Variants in MTAP observed in about 807,000 individuals in gnomAD.
MTAP encodes the protein S-methyl-5'-thioadenosine phosphorylase.
Under a neutral mutation model 33.6 loss-of-function variants are expected in MTAP, and 33 were observed. That is an observed-to-expected ratio of 0.98 (90% CI 0.74 to 1.31). The LOEUF (loss-of-function observed/expected upper bound fraction) is 1.31. MTAP is among the 40% of genes most tolerant of loss of function. The pLI, the probability that MTAP is intolerant of heterozygous loss-of-function variation, is 0.00. For missense variants in MTAP, 367 were observed against 360.0 expected (o/e 1.02, Z -0.16); for synonymous variants, 148 against 125.7 (o/e 1.18, Z -1.19).
At chr9:21,930,014 A>G in intron 1 of MTAP, 4 of 422,954 alleles carry the variant, frequency 9.5e-6, no homozygotes, top group South Asian at 8.0e-5. Context: ...AACTTTGCTA[A>G]TTAAGTCCAT....
At chr9:21,847,826 C>G (rs1825419324) in intron 5 of MTAP, among the ~76,000 whole-genome samples, 1 of 152,192 alleles carries the variant, frequency 6.6e-6, no homozygotes, top group African/African-American at 2.4e-5. Context: ...GAAAAACAGA[C>G]ACAAGCTCTT....
Position 21,821,649 on chromosome 9 carries a change from T to C in MTAP, c.347+3447T>C, listed in dbSNP as rs536896921. Among the ~76,000 whole-genome samples the C allele has an allele frequency of 3.2e-3, 485 of 152,336 alleles. 2 individuals carry two copies. The highest frequency in any genetic ancestry group is 0.011 in the African/African-American group (452 of 41,570). On this transcript the variant is annotated intron_variant, in intron 4 of 7. Coordinates refer to ENST00000644715, the MANE Select transcript of MTAP (RefSeq NM_002451.4). Reference sequence around the variant, plus strand: ...ATGATGCTGGCCTCATAAAATGAGTTAGGGAGGATTCCCTCTTTTTTTATT... The same window carrying C: ...ATGATGCTGGCCTCATAAAATGAGTCAGGGAGGATTCCCTCTTTTTTTATT...
At chr9:21,889,728 A>G (rs142994392) in intron 1 of MTAP, among the ~76,000 whole-genome samples, 86 of 152,226 alleles carry the variant, frequency 5.6e-4, no homozygotes, top group African/African-American at 2.0e-3. Flanking sequence ...GTCTGCAAAG[A>G]GTCCTGTGAT....
At chr9:21,898,639 T>A (rs980579028) in intron 1 of MTAP, among the ~76,000 whole-genome samples, 9 of 152,156 alleles carry the variant, frequency 5.9e-5, no homozygotes, top group Admixed American at 5.9e-4. Context: ...AAAATGTTCA[T>A]CATCACTGGC....
chr9:21,844,521 A>G (rs1347946820), intron 5 of MTAP, among the ~76,000 whole-genome samples: 1 of 152,224 alleles, frequency 6.6e-6, no homozygotes, highest in East Asian at 1.9e-4. Flanking sequence ...TATGAAAAAG[A>G]TAATACACCA....
In MTAP at chr9:21,865,246, G is replaced by T. The variant is rs1394221409; in HGVS notation, c.*3232G>T. On this transcript the variant is annotated 3_prime_UTR_variant, in exon 8 of 8. Coordinates refer to ENST00000644715, the MANE Select transcript of MTAP (RefSeq NM_002451.4). ...ACAAGTCCTGTTTGTTTTATAAGGG[G>T]CTTTTCCCCCTTTTGCTCAACACTT... 2 of 465,482 alleles carry T rather than the reference G, an allele frequency of 4.3e-6. No individual in the cohort carries two copies. Among genetic ancestry groups the T allele is most frequent in the Non-Finnish European group, 5.6e-6 (2 of 355,034 alleles). 28.8% of individuals were successfully genotyped at this position (465,482 alleles called of 1,614,324 possible).
At chr9:21,813,953 C>G (rs1336578476) in intron 1 of MTAP, 1 of 152,208 alleles carries the variant, frequency 6.6e-6, no homozygotes, top group African/African-American at 2.4e-5. Context: ...GTGAACACTT[C>G]TGTTGATTTG....
At chr9:21,846,755 A>C (rs965443433) in intron 5 of MTAP, among the ~76,000 whole-genome samples, 2 of 152,244 alleles carry the variant, frequency 1.3e-5, no homozygotes, top group African/African-American at 4.8e-5. Flanking sequence ...AAAATAAGTC[A>C]TTATATGAAA....
Position 21,916,397 on chromosome 9 carries a change from G to A in MTAP, c.148-14611G>A, listed in dbSNP as rs986580861. On this transcript the variant is annotated intron_variant, in intron 1 of 1. Transcript: ENST00000577563. Reference sequence around the variant, plus strand: ...GGCCGAGACGGGTGGATCACTTGATGTCAGGAGTTCGAGACAGGCCTGGCC... The same window carrying A: ...GGCCGAGACGGGTGGATCACTTGATATCAGGAGTTCGAGACAGGCCTGGCC... Among the ~76,000 whole-genome samples the A allele has an allele frequency of 3.3e-5, 5 of 152,176 alleles. No homozygotes were observed. The East Asian group carries it at 9.7e-4, about 29-fold the overall frequency.
At chr9:21,935,161 AGAATTCAATT>A (rs1323282457), downstream of MTAP, 2 of 152,256 alleles carry the variant, frequency 1.3e-5, no homozygotes, top group African/African-American at 4.8e-5. Flanking sequence ...ATTATAGAAT[AGAATTCAATT>A]GAATTCTATT....
intron 5 of MTAP, among the ~76,000 whole-genome samples, chr9:21,852,412 G>A (rs557850057): frequency 6.6e-6 from 1 of 151,618 alleles, no homozygotes; most frequent in African/African-American, 2.4e-5. Flanking sequence ...TCAGGAGGCT[G>A]AGCCAGAGAA....
At chr9:21,921,051 G>T (rs1308348774) in intron 1 of MTAP, among the ~76,000 whole-genome samples, 2 of 152,110 alleles carry the variant, frequency 1.3e-5, no homozygotes, top group Non-Finnish European at 2.9e-5. Flanking sequence ...TTTAATGGGA[G>T]ACTTTTTATT....
At chr9:21,820,018 G>C (rs558831256) in intron 4 of MTAP, among the ~76,000 whole-genome samples, 1 of 152,152 alleles carries the variant, frequency 6.6e-6, no homozygotes, top group Non-Finnish European at 1.5e-5. Flanking sequence ...CTTTGTTTGA[G>C]TTCTTTGTAG....
chr9:21,803,649 G>T (rs945653959), intron 1 of MTAP, among the ~76,000 whole-genome samples: 6 of 152,300 alleles, frequency 3.9e-5, no homozygotes, highest in Non-Finnish European at 8.8e-5. Flanking sequence ...TATTCCGAGA[G>T]AGAATTACAG....
intron 1 of MTAP, 62 bp downstream of exon 1, chr9:21,802,843 C>G (rs768192914): frequency 4.4e-6 from 7 of 1,598,380 alleles, no homozygotes; most frequent in Non-Finnish European, 6.0e-6. Context: ...GCCCCCGCGC[C>G]GGGGGACCGC....
chr9:21,845,870 C>A (rs563399892), intron 5 of MTAP, among the ~76,000 whole-genome samples: 23 of 152,118 alleles, frequency 1.5e-4, no homozygotes, highest in Non-Finnish European at 3.4e-4. Context: ...AACTATACTA[C>A]AAGGCTATAG....
intron 1 of MTAP, among the ~76,000 whole-genome samples, chr9:21,911,449 C>G (rs957359639): frequency 1.1e-4 from 16 of 152,196 alleles, no homozygotes; most frequent in Non-Finnish European, 1.6e-4. Flanking sequence ...ACAGTGCAAT[C>G]AAACTAGAAC....
intron 1 of MTAP, among the ~76,000 whole-genome samples, chr9:21,891,384 T>G (rs971185493): frequency 1.3e-5 from 2 of 152,010 alleles, no homozygotes; most frequent in South Asian, 4.1e-4. Flanking sequence ...CTCCAAGGAA[T>G]CTAAGGAATA....
At chr9:21,855,963 C>A (rs545361818) in intron 6 of MTAP, among the ~76,000 whole-genome samples, 24 of 152,224 alleles carry the variant, frequency 1.6e-4, no homozygotes, top group Admixed American at 1.3e-3. Flanking sequence ...TCAGACTATT[C>A]CTTTTTCCTT....
Sources: allele counts gnomAD v4.1 joint callset (sites outside exome capture counted in the v4.1 genomes callset), GRCh38; gene constraint gnomAD v4.1.1; transcripts MANE v1.5; gene names NCBI Gene and HGNC (gene_info 2026-07-23, HGNC 2026-07-21).